Variants in GLYATL2 observed in about 807,000 individuals in gnomAD.
The protein encoded by GLYATL2 is glycine-N-acyltransferase like 2.
A neutral mutation model predicts 21.4 loss-of-function variants in GLYATL2; 25 were observed. That is an observed-to-expected ratio of 1.17 (90% confidence interval 0.85 to 1.63). The LOEUF is 1.63. Among genes scored for constraint, GLYATL2 ranks in the 40% most tolerant of loss-of-function variants. The pLI, the probability that GLYATL2 is intolerant of heterozygous loss-of-function variation, is 0.00. For synonymous variants in GLYATL2, 114 were observed against 118.2 expected (o/e 0.96, Z 0.23); for missense variants, 361 against 343.3 (o/e 1.05, Z -0.41).
chr11:58,871,118 T>A (rs1246255864), intron 1 of GLYATL2, among the ~76,000 whole-genome samples: 1 of 152,118 alleles, frequency 6.6e-6, no homozygotes, highest in Non-Finnish European at 1.5e-5. Flanking sequence ...GATAAGGAGT[T>A]TGATCTGAGA....
intron 1 of GLYATL2, among the ~76,000 whole-genome samples, chr11:58,901,858 C>T (rs1854745766): frequency 6.6e-6 from 1 of 152,148 alleles, no homozygotes; most frequent in South Asian, 2.1e-4. Context: ...GATCACTCTA[C>T]CCCCCATTCA....
At chr11:58,865,942 C>A (rs1854017394) in intron 1 of GLYATL2, among the ~76,000 whole-genome samples, 2 of 148,980 alleles carry the variant, frequency 1.3e-5, no homozygotes, top group African/African-American at 4.8e-5. Context: ...CTTCTTTAGA[C>A]TCTAAGAGCA....
chr11:58,884,565 A>G (rs1854402424), intron 1 of GLYATL2, among the ~76,000 whole-genome samples: 1 of 152,196 alleles, frequency 6.6e-6, no homozygotes, highest in African/African-American at 2.4e-5. Context: ...GCATCTGATG[A>G]CCAAAATACA....
chr11:58,843,358 G>T (rs1415591717), intron 1 of GLYATL2, among the ~76,000 whole-genome samples: 7 of 152,180 alleles, frequency 4.6e-5, no homozygotes, highest in African/African-American at 1.7e-4. Context: ...TGATGTTAAT[G>T]GGAGAAAGAG....
At chr11:58,836,943 T>C in intron 5 of GLYATL2, 72 bp downstream of exon 5, 2 of 1,355,544 alleles carry the variant, frequency 1.5e-6, no homozygotes, top group Non-Finnish European at 2.1e-6. Flanking sequence ...AATCCTACAT[T>C]TCCAAGTACA....
At chr11:58,872,107 T>C (rs996725922) in intron 1 of GLYATL2, among the ~76,000 whole-genome samples, 29 of 152,362 alleles carry the variant, frequency 1.9e-4, no homozygotes, top group African/African-American at 6.5e-4. Context: ...GTTCATATCC[T>C]TCACCCATTT....
intron 1 of GLYATL2, among the ~76,000 whole-genome samples, chr11:58,873,045 C>G (rs1344172542): frequency 1.3e-5 from 2 of 151,742 alleles, no homozygotes; most frequent in Non-Finnish European, 2.9e-5. Flanking sequence ...CTCTTTGAAG[C>G]AATTGTGAAT....
intron 1 of GLYATL2, among the ~76,000 whole-genome samples, chr11:58,860,113 T>A (rs1853904960): frequency 6.6e-6 from 1 of 152,166 alleles, no homozygotes; most frequent in Non-Finnish European, 1.5e-5. Context: ...CTTTTGTGAT[T>A]ACACATACAT....
intron 1 of GLYATL2, among the ~76,000 whole-genome samples, chr11:58,864,375 T>G (rs573016041): frequency 8.0e-6 from 1 of 124,922 alleles, no homozygotes; most frequent in African/African-American, 2.6e-5. Context: ...TAAATTAAGA[T>G]GTACCCAGAA....
chr11:58,873,126 C>T (rs1195154487), intron 1 of GLYATL2, among the ~76,000 whole-genome samples: 1 of 150,628 alleles, frequency 6.6e-6, no homozygotes, highest in Non-Finnish European at 1.5e-5. Context: ...GATTTTTGCA[C>T]ATTGATTTTG....
intron 1 of GLYATL2, among the ~76,000 whole-genome samples, chr11:58,858,201 A>G (rs1185630637): frequency 1.3e-5 from 2 of 152,120 alleles, no homozygotes; most frequent in Non-Finnish European, 2.9e-5. Context: ...AAAAAACTCC[A>G]CAAAGCTTTA....
chr11:58,840,840 A>AAAAATAAAACAAAAT (rs1853535486), intron 1 of GLYATL2: 1 of 134,914 alleles, frequency 7.4e-6, no homozygotes, highest in African/African-American at 2.8e-5. Flanking sequence ...CTCTATCTCA[A>AAAAATAAAACAAAAT]AAAATAAAAT....
At chr11:58,904,913 T>C (rs1854825067), upstream of GLYATL2, among the ~76,000 whole-genome samples, 1 of 152,232 alleles carries the variant, frequency 6.6e-6, no homozygotes, top group African/African-American at 2.4e-5. Flanking sequence ...GACCAACTTC[T>C]CAAAAATAAC....
At chr11:58,836,920 T>C (rs1853441423) in intron 5 of GLYATL2, 95 bp downstream of exon 5, 1 of 1,069,942 alleles carries the variant, frequency 9.3e-7, no homozygotes. Flanking sequence ...TAGCCCATCA[T>C]AATTTAGTCT....
intron 1 of GLYATL2, among the ~76,000 whole-genome samples, chr11:58,853,089 A>G (rs1853769089): frequency 6.6e-6 from 1 of 152,210 alleles, no homozygotes; most frequent in African/African-American, 2.4e-5. Context: ...ACTGCCATTT[A>G]ATCACCTGTG....
At chr11:58,887,547 T>G (rs1854465226) in intron 1 of GLYATL2, among the ~76,000 whole-genome samples, 1 of 152,176 alleles carries the variant, frequency 6.6e-6, no homozygotes, top group African/African-American at 2.4e-5. Flanking sequence ...TTCTACCCCT[T>G]GGGGTAATCA....
At chr11:58,836,287 CT>C (rs552610853) in intron 5 of GLYATL2, among the ~76,000 whole-genome samples, 2 of 151,742 alleles carry the variant, frequency 1.3e-5, no homozygotes, top group Non-Finnish European at 2.9e-5. Flanking sequence ...TGTAGAGCTA[CT>C]TCATTCTTTT....
At chr11:58,898,048 C>T (rs761918746) in intron 1 of GLYATL2, among the ~76,000 whole-genome samples, 1 of 152,224 alleles carries the variant, frequency 6.6e-6, no homozygotes, top group South Asian at 2.1e-4. Flanking sequence ...CTCTTATTAA[C>T]TTAATTATCC....
intron 1 of GLYATL2, among the ~76,000 whole-genome samples, chr11:58,896,971 T>C (rs772106492): frequency 2.6e-5 from 4 of 152,208 alleles, no homozygotes; most frequent in Non-Finnish European, 5.9e-5. Flanking sequence ...ATTTGCCTCA[T>C]ACAGTTGCCC....
Sources: gnomAD v4.1 joint callset for allele counts (sites outside exome capture counted in the v4.1 genomes callset) on GRCh38, gnomAD v4.1.1 for gene constraint, MANE v1.5 for transcripts, NCBI Gene and HGNC (gene_info 2026-07-23, HGNC 2026-07-21) for gene names.